PDIA6: variants seen among roughly 807,000 people sequenced by gnomAD.
The protein encoded by PDIA6 is protein disulfide-isomerase A6.
In PDIA6, 29 loss-of-function variants were observed where a neutral mutation model predicts 58.4. The observed-to-expected ratio is 0.50, with a 90% CI of 0.37 to 0.68. PDIA6 has a LOEUF of 0.68. Among genes scored for constraint, PDIA6 ranks in the 30% least tolerant of loss-of-function variants. PDIA6 has a pLI of 0.00. For synonymous variants in PDIA6, 192 were observed against 202.6 expected, an observed-to-expected ratio of 0.95 and a Z score of 0.44; for missense variants, 480 against 551.0, an observed-to-expected ratio of 0.87 and a Z score of 1.29.
At chr2:10,793,662 C>A (rs796353536) in intron 4 of PDIA6, among the ~76,000 whole-genome samples, 13 of 152,306 alleles carry the variant, frequency 8.5e-5, no homozygotes, top group African/African-American at 3.1e-4. Flanking sequence ...CCGTGTCCAG[C>A]CCGATTTCTC....
chr2:10,817,946 C>T (rs549267005), intron 2 of PDIA6, among the ~76,000 whole-genome samples: 29 of 152,270 alleles, frequency 1.9e-4, no homozygotes, highest in African/African-American at 6.7e-4. Flanking sequence ...TCTGGGCTAA[C>T]GTACCCACAG....
Position 10,802,592 on chromosome 2 carries a change from G to A in PDIA6, c.68C>T (p.Ser23Phe). 1.3e-6 allele frequency: 2 copies of A among 1,498,222 alleles called. No homozygotes were observed. The highest frequency in any genetic ancestry group is 1.8e-6 in the Non-Finnish European group (2 of 1,125,496). The allele number at this position is 1,498,222 out of a possible 1,614,324, so 92.8% of individuals were successfully genotyped here. The change falls in exon 2 of 13, where the codon TCT (serine) becomes TTT (phenylalanine). Residue 23 changes from serine to phenylalanine, a missense_variant. Coordinates refer to ENST00000272227, the MANE Select transcript of PDIA6 (RefSeq NM_005742.4). ...FFLAVNGLYSSSDDVIELTPS... is the reference protein window; with the variant it reads ...FFLAVNGLYSFSDDVIELTPS... ...AGTTAATTCGATCACATCATCACTA[G>A]AGGAATACAGACCATTCACTGCCAG...
Position 10,802,501 on chromosome 2 carries a change from T to C in PDIA6, c.159A>G (p.Pro53=). 2 of 1,378,066 alleles carry C rather than the reference T, an allele frequency of 1.5e-6. No individual in the cohort carries two copies. Among genetic ancestry groups the C allele is most frequent in the Non-Finnish European group, 1.9e-6 (2 of 1,055,306 alleles). 85.4% of individuals were successfully genotyped at this position (1,378,066 alleles called of 1,614,324 possible). A position where few individuals can be genotyped will look rare whatever the true frequency, so the allele number is the denominator to read the frequency against. The stretch of plus-strand genomic sequence containing the variant: ...TACAACTATTTTATAATACTTACCA[T>C]GGAGCATAGAATTCTACAAGCCACA... ...DSLWLVEFYA[P]WCGHCQRLTP... The change falls in exon 2 of 13, where the codon CCA becomes CCG. Residue 53 remains proline, a splice_region_variant and synonymous_variant. Transcript: ENST00000272227.
chr2:10,829,404 C>T (rs552799100), intron 1 of PDIA6, among the ~76,000 whole-genome samples: 16 of 152,368 alleles, frequency 1.1e-4, no homozygotes, highest in African/African-American at 3.8e-4. Context: ...TCTCCAGACT[C>T]TCATTTTCCT....
At chr2:10,786,194 G>A (rs1207783857) in intron 11 of PDIA6, among the ~76,000 whole-genome samples, 3 of 152,082 alleles carry the variant, frequency 2.0e-5, no homozygotes, top group Non-Finnish European at 2.9e-5. Context: ...GTGGTGGCAG[G>A]CGCCTGTAAT....
At chr2:10,830,215 G>A (rs1667671791) in intron 1 of PDIA6, among the ~76,000 whole-genome samples, 1 of 152,254 alleles carries the variant, frequency 6.6e-6, no homozygotes, top group South Asian at 2.1e-4. Context: ...ACAGGGGCCA[G>A]GACTGGGCTG....
intron 4 of PDIA6, among the ~76,000 whole-genome samples, chr2:10,795,735 C>T (rs1686446): frequency 0.49 from 74,175 of 151,950 alleles, 19,651 homozygotes; most frequent in Middle Eastern, 0.59. Context: ...AGCTCACACA[C>T]GACAGATTCT....
intron 1 of PDIA6, among the ~76,000 whole-genome samples, chr2:10,827,863 A>G (rs903370397): frequency 6.6e-6 from 1 of 151,970 alleles, no homozygotes; most frequent in Non-Finnish European, 1.5e-5. Flanking sequence ...ATTCTTTAGA[A>G]CTAGAGTAAA....
chr2:10,792,943 T>C (rs1308274000), intron 5 of PDIA6, among the ~76,000 whole-genome samples, 153 bp downstream of exon 5: 1 of 152,206 alleles, frequency 6.6e-6, no homozygotes, highest in African/African-American at 2.4e-5. Context: ...GGAGGGCTGG[T>C]TCCCTCTGGG....
At chr2:10,834,118 C>T (rs541012305), upstream of PDIA6, among the ~76,000 whole-genome samples, 3 of 152,254 alleles carry the variant, frequency 2.0e-5, no homozygotes, top group African/African-American at 7.2e-5. Flanking sequence ...GTGAGAGCAA[C>T]GCAGATCTGG....
At chr2:10,816,483 G>T (rs1572697079), upstream of PDIA6, among the ~76,000 whole-genome samples, 1 of 144,820 alleles carries the variant, frequency 6.9e-6, no homozygotes, top group African/African-American at 2.6e-5. Context: ...TGTCTCTTCA[G>T]CCTCTATTCA....
intron 11 of PDIA6, among the ~76,000 whole-genome samples, chr2:10,785,757 ACT>A (rs1491115427): frequency 6.6e-6 from 1 of 152,070 alleles, no homozygotes; most frequent in African/African-American, 2.4e-5. Flanking sequence ...ACCAAGTCAC[ACT>A]CTTTTGCCCA....
chr2:10,821,957 T>A (rs74401623), intron 1 of PDIA6, among the ~76,000 whole-genome samples: 5,859 of 65,498 alleles, frequency 0.089, 382 homozygotes, highest in African/African-American at 0.24. Flanking sequence ...AAAAAAAAAA[T>A]TTTTTTGAGA....
At position 10,784,975 on chromosome 2, in the gene PDIA6, T is replaced by C. The variant is rs1005846641; in HGVS notation, c.1213A>G (p.Thr405Ala). The C allele has an allele frequency of 4.4e-6, 7 of 1,592,360 alleles. No individual in the cohort carries two copies. The highest frequency in any genetic ancestry group is 1.1e-5 in the South Asian group (1 of 87,672). ...TAPVGGGAFP[T>A]IVEREPWDGR... ...TCCCAAGGCTCTCTCTCAACGATGGTAGGGAAAGCCCCGCCTCCTACAGGT... is the reference window on the plus strand; with the variant it reads ...TCCCAAGGCTCTCTCTCAACGATGGCAGGGAAAGCCCCGCCTCCTACAGGT... The change falls in exon 12 of 13, where the codon ACC becomes GCC. Residue 405 changes from threonine to alanine, a missense_variant. Coordinates refer to ENST00000272227, the MANE Select transcript of PDIA6 (RefSeq NM_005742.4).
chr2:10,802,536 T>C lies in PDIA6; in HGVS notation c.124A>G (p.Ser42Gly). The part of the protein sequence containing the change: ...PSNFNREVIQ[S>G]DSLWLVEFYA... ...AATTCTACAAGCCACAAACTATCAC[T>C]CTGAATAACTTCTCGGTTGAAATTC... Residue 42 changes from serine to glycine, a missense_variant, in exon 2 of 13, where the codon AGT (serine) becomes GGT (glycine). Physicochemically the swap from Ser to Gly is moderately conservative, Grantham distance 56. Transcript: ENST00000272227. The C allele has an allele frequency of 6.8e-7, 1 of 1,473,014 alleles. No individual in the cohort carries two copies. Among genetic ancestry groups the C allele is most frequent in the Non-Finnish European group, 9.0e-7 (1 of 1,108,610 alleles). 91.2% of individuals were successfully genotyped at this position (1,473,014 alleles called of 1,614,324 possible).
chr2:10,789,742 G>A lies in PDIA6; in HGVS notation c.840+7C>T, dbSNP rs372951449. The stretch of plus-strand genomic sequence containing the variant: ...TTTCTGGACTACAAGCAGTTGAAGT[G>A]GTTTACCTCAAGCAGCTCAGGAGGT... On this transcript the variant is annotated splice_region_variant and intron_variant, in intron 8 of 12. Coordinates refer to ENST00000272227, the MANE Select transcript of PDIA6 (RefSeq NM_005742.4). 48 of 1,612,888 alleles carry A rather than the reference G, an allele frequency of 3.0e-5. 1 individual carries two copies. Among genetic ancestry groups the A allele is most frequent in the Middle Eastern group, 1.6e-4 (1 of 6,080 alleles).
chr2:10,806,367 CAAAAA>C (rs71392260), intron 1 of PDIA6, among the ~76,000 whole-genome samples: 2 of 106,342 alleles, frequency 1.9e-5, no homozygotes, highest in Non-Finnish European at 1.9e-5. Context: ...GACCTTGTCT[CAAAAA>C]AAAAAAAAAA....
intron 10 of PDIA6, among the ~76,000 whole-genome samples, chr2:10,788,438 T>G (rs570742501): frequency 6.6e-6 from 1 of 152,100 alleles, no homozygotes; most frequent in East Asian, 1.9e-4. Context: ...GTGGATCACT[T>G]GAGGTCAGGA....
At chr2:10,836,794 TA>T (rs769633029), upstream of PDIA6, among the ~76,000 whole-genome samples, 28 of 150,978 alleles carry the variant, frequency 1.9e-4, no homozygotes, top group East Asian at 4.1e-3. Context: ...CTATGGGGAT[TA>T]AAAAAAAATA....
Sources: gnomAD v4.1 joint callset for allele counts (sites outside exome capture counted in the v4.1 genomes callset) on GRCh38, gnomAD v4.1.1 for gene constraint, MANE v1.5 for transcripts, NCBI Gene and HGNC (gene_info 2026-07-23, HGNC 2026-07-21) for gene names.